Variants in SNTG1 observed in about 807,000 individuals in gnomAD.
The protein encoded by SNTG1 is gamma-1-syntrophin.
Under a neutral mutation model 74.7 loss-of-function variants are expected in SNTG1, and 39 were observed. That is an observed-to-expected ratio of 0.52 (90% CI 0.40 to 0.68). The LOEUF is 0.68. Ranked by LOEUF, SNTG1 falls within the 30% of genes least tolerant of loss-of-function variation. The pLI is 0.00. For missense variants in SNTG1, 685 were observed against 609.5 expected (o/e 1.12, Z -1.30); for synonymous variants, 254 against 217.1 (o/e 1.17, Z -1.49).
At chr8:50,095,971 ATT>A (rs199706749) in intron 1 of SNTG1, among the ~76,000 whole-genome samples, 4 of 152,084 alleles carry the variant, frequency 2.6e-5, no homozygotes, top group African/African-American at 9.7e-5. Context: ...CTTAATTATT[ATT>A]ACCTGAATCT....
At chr8:50,410,460 T>C (rs753580307) in intron 4 of SNTG1, among the ~76,000 whole-genome samples, 3 of 152,222 alleles carry the variant, frequency 2.0e-5, no homozygotes, top group Non-Finnish European at 4.4e-5. Flanking sequence ...ATTGCATTCT[T>C]CTTTTATTTA....
intron 8 of SNTG1, among the ~76,000 whole-genome samples, chr8:50,497,878 G>A (rs2093917872): frequency 6.6e-6 from 1 of 151,462 alleles, no homozygotes; most frequent in Admixed American, 6.6e-5. Context: ...ATGTTTTCTG[G>A]CTTCTTTCAC....
At chr8:50,269,302 A>G (rs1350801795) in intron 2 of SNTG1, among the ~76,000 whole-genome samples, 1 of 152,174 alleles carries the variant, frequency 6.6e-6, no homozygotes, top group Non-Finnish European at 1.5e-5. Context: ...TACAGGTTGA[A>G]AGTAAATATT....
intron 1 of SNTG1, among the ~76,000 whole-genome samples, chr8:50,104,337 G>A (rs917278296): frequency 6.6e-5 from 10 of 152,308 alleles, no homozygotes; most frequent in Admixed American, 4.6e-4. Flanking sequence ...AGATTTTCTA[G>A]TTTATTTGCA....
intron 1 of SNTG1, among the ~76,000 whole-genome samples, chr8:50,139,289 CCAAT>C (rs2081581253): frequency 6.6e-6 from 1 of 152,104 alleles, no homozygotes; most frequent in Admixed American, 6.5e-5. Flanking sequence ...ATTTATGTAA[CCAAT>C]CATTTATATT....
At chr8:50,505,699 GT>G (rs1225864754) in intron 9 of SNTG1, among the ~76,000 whole-genome samples, 1 of 151,966 alleles carries the variant, frequency 6.6e-6, no homozygotes, top group Non-Finnish European at 1.5e-5. Context: ...TTTAAATCTG[GT>G]TATTTGTTTT....
At chr8:50,601,414 A>G (rs539745004) in intron 13 of SNTG1, among the ~76,000 whole-genome samples, 146 of 151,962 alleles carry the variant, frequency 9.6e-4, no homozygotes, top group African/African-American at 3.0e-3. Context: ...CTTAATTTCC[A>G]TGTGTTTGTA....
intron 8 of SNTG1, among the ~76,000 whole-genome samples, chr8:50,477,796 A>G (rs1359661981): frequency 6.6e-6 from 1 of 152,174 alleles, no homozygotes; most frequent in Non-Finnish European, 1.5e-5. Flanking sequence ...GTTTTAACAC[A>G]ACCATTCTAT....
chr8:50,397,884 C>T (rs927902495), intron 3 of SNTG1, among the ~76,000 whole-genome samples: 2 of 152,076 alleles, frequency 1.3e-5, no homozygotes, highest in South Asian at 4.1e-4. Flanking sequence ...CAGATGGTTG[C>T]GTTAATTTTT....
At chr8:50,774,963 T>C (rs1226448408) in intron 18 of SNTG1, among the ~76,000 whole-genome samples, 1 of 150,724 alleles carries the variant, frequency 6.6e-6, no homozygotes, top group Non-Finnish European at 1.5e-5. Flanking sequence ...TAAAATTATA[T>C]GAATGTAGTA....
At chr8:50,195,523 T>C (rs2083732810) in intron 2 of SNTG1, among the ~76,000 whole-genome samples, 1 of 152,190 alleles carries the variant, frequency 6.6e-6, no homozygotes, top group Non-Finnish European at 1.5e-5. Flanking sequence ...TGTGGAGTTA[T>C]ACCTCCTGCT....
At chr8:50,538,084 C>T (rs1398659868) in intron 11 of SNTG1, among the ~76,000 whole-genome samples, 2 of 152,206 alleles carry the variant, frequency 1.3e-5, no homozygotes, top group East Asian at 3.9e-4. Context: ...AGTTTTCTGA[C>T]TGGTTGCTTG....
At chr8:50,684,768 G>A (rs2095345345) in intron 15 of SNTG1, among the ~76,000 whole-genome samples, 1 of 131,234 alleles carries the variant, frequency 7.6e-6, no homozygotes, top group African/African-American at 2.9e-5. Context: ...TTATCTTTTA[G>A]GGTACATGTG....
At position 50,588,711 on chromosome 8, in the gene SNTG1, A is replaced by G. The variant is rs138633493; in HGVS notation, c.811-2168A>G. ...ATTGTTCAAGTATAAAGTATTATGA[A>G]GTTACAGAGAAGAAGTATTTGAAAA... On this transcript the variant is annotated intron_variant, in intron 12 of 18. Coordinates refer to ENST00000642720, the MANE Select transcript of SNTG1 (RefSeq NM_018967.5). 2.0e-3 allele frequency among the ~76,000 whole-genome samples: 304 copies of G among 152,286 alleles called. 2 individuals are homozygous for G. The highest frequency in any genetic ancestry group is 6.7e-3 in the African/African-American group (279 of 41,566).
intron 2 of SNTG1, among the ~76,000 whole-genome samples, chr8:50,259,292 A>T (rs1365276684): frequency 6.6e-6 from 1 of 152,086 alleles, no homozygotes; most frequent in Non-Finnish European, 1.5e-5. Flanking sequence ...TGAGGTCAGG[A>T]GTTTGAGACC....
At position 49,961,391 on chromosome 8, in the gene SNTG1, G is replaced by A. The variant is rs1810670436; in HGVS notation, c.-103+49160G>A. Among the ~76,000 whole-genome samples the A allele has an allele frequency of 2.0e-5, 3 of 152,180 alleles. No homozygotes were observed. The South Asian group carries it at 6.2e-4, about 31-fold the overall frequency. On this transcript the variant is annotated intron_variant, in intron 1 of 18. Transcript: ENST00000642720. Reference sequence around the variant, plus strand: ...GAGAAACTTTTGATTATAGGAAAAAGAATAATTGGTGCTTTCTAACCTGTA... The same window carrying A: ...GAGAAACTTTTGATTATAGGAAAAAAAATAATTGGTGCTTTCTAACCTGTA...
chr8:50,632,883 T>C (rs1482687645), intron 13 of SNTG1, among the ~76,000 whole-genome samples: 2 of 152,184 alleles, frequency 1.3e-5, no homozygotes, highest in African/African-American at 4.8e-5. Context: ...AGGTCCTTTG[T>C]CTCTGATTCA....
At chr8:50,254,598 G>A (rs1295582705) in intron 2 of SNTG1, among the ~76,000 whole-genome samples, 1 of 152,120 alleles carries the variant, frequency 6.6e-6, no homozygotes, top group Non-Finnish European at 1.5e-5. Context: ...GTGAATCCCA[G>A]CACTTTGGAG....
At chr8:50,694,643 G>A (rs1300111784) in intron 15 of SNTG1, among the ~76,000 whole-genome samples, 1 of 151,846 alleles carries the variant, frequency 6.6e-6, no homozygotes, top group Non-Finnish European at 1.5e-5. Flanking sequence ...AAAATTATAG[G>A]CCAACACACT....
Sources: allele counts gnomAD v4.1 joint callset (sites outside exome capture counted in the v4.1 genomes callset), GRCh38; gene constraint gnomAD v4.1.1; transcripts MANE v1.5; gene names NCBI Gene and HGNC (gene_info 2026-07-23, HGNC 2026-07-21).